The following TNRC6A variants were observed in gnomAD, a reference collection of about 807,000 sequenced individuals.
TNRC6A encodes the protein trinucleotide repeat containing adaptor 6A.
Under a neutral mutation model 221.2 loss-of-function variants are expected in TNRC6A, and 44 were observed. The observed-to-expected ratio is 0.20, with a 90% confidence interval of 0.16 to 0.26. The LOEUF (loss-of-function observed/expected upper bound fraction) is 0.26, where lower values mean the gene tolerates loss of function less well. Among genes scored for constraint, TNRC6A ranks in the 10% least tolerant of loss-of-function variants. The pLI is 1.00. For missense variants in TNRC6A, 2,199 were observed against 2,404.4 expected (o/e 0.91, Z 1.79); for synonymous variants, 847 against 838.5 (o/e 1.01, Z -0.18).
At chr16:24,737,847 A>C (rs77201976) in intron 2 of TNRC6A, among the ~76,000 whole-genome samples, 2 of 84,340 alleles carry the variant, frequency 2.4e-5, no homozygotes, top group Admixed American at 1.9e-4. Context: ...TCCCTAAAAC[A>C]TGTGTGCACA....
At chr16:24,645,834 CAAAAAAAAAA>C (rs36106864) in intron 2 of TNRC6A, among the ~76,000 whole-genome samples, 441 of 26,620 alleles carry the variant, frequency 0.017, 5 homozygotes, top group South Asian at 0.043. Context: ...CCTGTATCTA[CAAAAAAAAAA>C]AAAAAAAAAA....
At chr16:24,672,828 C>T (rs1045916064) in intron 2 of TNRC6A, among the ~76,000 whole-genome samples, 1 of 152,094 alleles carries the variant, frequency 6.6e-6, no homozygotes, top group African/African-American at 2.4e-5. Flanking sequence ...TACTTACATA[C>T]ATATGCATGT....
chr16:24,730,108 C>A, intron 1 of TNRC6A, 145 bp from the exon 2 acceptor site: 2 of 829,348 alleles, frequency 2.4e-6, no homozygotes, highest in Non-Finnish European at 3.4e-6. Context: ...AGCCCCGCAG[C>A]TTTGTGAGTC....
In TNRC6A at chr16:24,825,090, A is replaced by G. The variant is rs979473104; in HGVS notation, c.*1283A>G. 1 of 152,640 alleles carries G rather than the reference A, an allele frequency of 6.6e-6. No individual in the cohort carries two copies. Among genetic ancestry groups the G allele is most frequent in the Non-Finnish European group, 1.5e-5 (1 of 68,044 alleles). The allele number at this position is 152,640 out of a possible 1,614,324, so 9.5% of individuals were successfully genotyped here. A position where few individuals can be genotyped will look rare whatever the true frequency, so the allele number is the denominator to read the frequency against. The stretch of plus-strand genomic sequence containing the variant: ...TTAAAGCCGAAATCAGTAACTATGC[A>G]TACTGTAACCAAGGTATTGGGCTTA... On this transcript the variant is annotated 3_prime_UTR_variant, in exon 25 of 25. Transcript: ENST00000395799.
intron 1 of TNRC6A, among the ~76,000 whole-genome samples, chr16:24,625,472 TC>T (rs1404441111): frequency 1.3e-5 from 2 of 151,934 alleles, no homozygotes; most frequent in African/African-American, 4.8e-5. Context: ...ATTAGCTCGA[TC>T]CCAGCACTTT....
At chr16:24,737,544 T>A (rs775466100) in intron 2 of TNRC6A, among the ~76,000 whole-genome samples, 1 of 152,240 alleles carries the variant, frequency 6.6e-6, no homozygotes, top group Non-Finnish European at 1.5e-5. Context: ...TATGTGATGA[T>A]GACTCAGCTG....
chr16:24,819,230 G>GCA (rs1311411895), intron 21 of TNRC6A, among the ~76,000 whole-genome samples: 2 of 152,114 alleles, frequency 1.3e-5, no homozygotes, highest in Non-Finnish European at 2.9e-5. Flanking sequence ...CTGACCTAAT[G>GCA]CACACACACT....
Position 24,789,892 on chromosome 16 carries a change from A to G in TNRC6A, c.1250A>G (p.His417Arg), listed in dbSNP as rs1231592287. The G allele has an allele frequency of 1.2e-6, 2 of 1,613,956 alleles. No individual in the cohort carries two copies. Among genetic ancestry groups the G allele is most frequent in the African/African-American group, 1.3e-5 (1 of 74,938 alleles). Residue 417 changes from histidine to arginine, a missense_variant, in exon 6 of 25, where the codon CAT (histidine) becomes CGT (arginine). Physicochemically the swap from His to Arg is conservative, Grantham distance 29. Around this residue, in one of 8 missense-constraint regions of TNRC6A, gnomAD observed 1,405 missense variants for 1,400.2 expected, o/e 1.00. Transcript: ENST00000395799. ...INSKVSGGST[H>R]GTWGSLQETC... ...TCTAAAGTGAGTGGTGGTTCTACCC[A>G]TGGTACCTGGGGAAGCCTTCAGGAA...
chr16:24,724,210 T>C (rs936924001), intron 2 of TNRC6A, among the ~76,000 whole-genome samples: 1 of 152,112 alleles, frequency 6.6e-6, no homozygotes, highest in South Asian at 2.1e-4. Flanking sequence ...AGTTCTGTAA[T>C]GTAGCGGGCT....
At chr16:24,726,102 T>C (rs907459944), upstream of TNRC6A, among the ~76,000 whole-genome samples, 1 of 152,038 alleles carries the variant, frequency 6.6e-6, no homozygotes. Flanking sequence ...GCCTGGCACA[T>C]AGTAGGTGCT....
At chr16:24,631,053 G>A (rs558625422) in intron 1 of TNRC6A, among the ~76,000 whole-genome samples, 5 of 151,712 alleles carry the variant, frequency 3.3e-5, no homozygotes, top group East Asian at 1.9e-4. Flanking sequence ...CCCTCCCTGC[G>A]CCAATTCATT....
Position 24,729,651 on chromosome 16 carries a change from A to T in TNRC6A, c.-191A>T. The stretch of plus-strand genomic sequence containing the variant: ...GAAGGGGTTGCCGAGTGGGGCATTC[A>T]CTTCCGGTCTGGGGCCTGCGGCGGC... On this transcript the variant is annotated 5_prime_UTR_variant, in exon 1 of 25. Transcript: ENST00000395799. The T allele has an allele frequency of 1.8e-6, 1 of 563,652 alleles. No homozygotes were observed. The highest frequency in any genetic ancestry group is 2.7e-6 in the Non-Finnish European group (1 of 375,586). 34.9% of individuals were successfully genotyped at this position (563,652 alleles called of 1,614,324 possible). A position where few individuals can be genotyped will look rare whatever the true frequency, so the allele number is the denominator to read the frequency against.
intron 1 of TNRC6A, among the ~76,000 whole-genome samples, chr16:24,631,486 T>C (rs1346666667): frequency 1.3e-5 from 2 of 152,154 alleles, no homozygotes; most frequent in Non-Finnish European, 2.9e-5. Context: ...TAGAACATCC[T>C]AGGGGCTGGG....
chr16:24,645,834 C>CAAAAAAAAAAAAAAAAAAAAAAA lies in TNRC6A; in HGVS notation n.402+4836_402+4858dup. 1.8e-3 allele frequency among the ~76,000 whole-genome samples: 49 copies of CAAAAAAAAAAAAAAAAAAAAAAA among 26,640 alleles called. 13 individuals carry two copies. Among genetic ancestry groups the CAAAAAAAAAAAAAAAAAAAAAAA allele is most frequent in the Non-Finnish European group, 1.9e-3 (27 of 14,086 alleles). The allele number at this position is 26,640 out of a possible 152,430, so 17.5% of individuals were successfully genotyped here. A position where few individuals can be genotyped will look rare whatever the true frequency, so the allele number is the denominator to read the frequency against. On this transcript the variant is annotated intron_variant and non_coding_transcript_variant, in intron 2 of 2. Transcript: ENST00000566108. ...GAAACATGACAAGACCCTGTATCTACAAAAAAAAAAAAAAAAAAAAAAAAA... is the reference window on the plus strand; with the variant it reads ...GAAACATGACAAGACCCTGTATCTACAAAAAAAAAAAAAAAAAAAAAAAAAAAAAAAAAAAAAAAAAAAAAAAA...
chr16:24,675,745 C>T lies in TNRC6A; in HGVS notation n.402+34736C>T, dbSNP rs144833067. Among the ~76,000 whole-genome samples, 703 of 118,522 alleles carry T rather than the reference C, an allele frequency of 5.9e-3. 1 individual carries two copies. Among genetic ancestry groups the T allele is most frequent in the Non-Finnish European group, 9.3e-3 (529 of 56,902 alleles). 77.8% of individuals were successfully genotyped at this position (118,522 alleles called of 152,430 possible). On this transcript the variant is annotated intron_variant and non_coding_transcript_variant, in intron 2 of 2. Transcript: ENST00000566108. ...ATATATATATATATATATATATGCA[C>T]ACAACACACACAGAGGCTATTCAGT... is the stretch of plus-strand genomic sequence containing the variant.
chr16:24,618,326 C>T (rs1329481825), intron 1 of TNRC6A, among the ~76,000 whole-genome samples: 1 of 152,172 alleles, frequency 6.6e-6, no homozygotes, highest in African/African-American at 2.4e-5. Context: ...AGGTATTTTA[C>T]CTAGTGGTAT....
chr16:24,739,528 G>A (rs1352508935), intron 2 of TNRC6A, among the ~76,000 whole-genome samples: 1 of 142,310 alleles, frequency 7.0e-6, no homozygotes, highest in Non-Finnish European at 1.5e-5. Flanking sequence ...GCCCAGGCTG[G>A]AGTGCAGTGG....
chr16:24,706,095 C>T (rs923531148), intron 2 of TNRC6A, among the ~76,000 whole-genome samples: 1 of 152,104 alleles, frequency 6.6e-6, no homozygotes. Context: ...AGCACCAACG[C>T]TCACACTTAC....
intron 2 of TNRC6A, among the ~76,000 whole-genome samples, chr16:24,723,486 TG>T (rs2056445177): frequency 6.6e-6 from 1 of 150,590 alleles, no homozygotes; most frequent in East Asian, 2.0e-4. Flanking sequence ...CTCAGCTACC[TG>T]GGGGGCTGAG....
Sources: gnomAD v4.1 joint callset for allele counts (sites outside exome capture counted in the v4.1 genomes callset) on GRCh38, gnomAD v4.1.1 for gene constraint, gnomAD v4.1.1 regional missense constraint, MANE v1.5 for transcripts, NCBI Gene and HGNC (gene_info 2026-07-23, HGNC 2026-07-21) for gene names.